The following ABLIM2 variants were observed in gnomAD, a reference collection of about 807,000 sequenced individuals.
ABLIM2 encodes actin binding LIM protein family member 2, also known as actin-binding LIM protein 2.
In ABLIM2, 53 loss-of-function variants were observed where a neutral mutation model predicts 97.7. The observed-to-expected ratio is 0.54, with a 90% CI of 0.44 to 0.68. The LOEUF (loss-of-function observed/expected upper bound fraction) is 0.68. Ranked by LOEUF, ABLIM2 falls within the 30% of genes least tolerant of loss-of-function variation. The probability of loss-of-function intolerance (pLI) is 0.00; values close to 1 mark genes in which losing one functional copy is unlikely to be tolerated. For missense variants in ABLIM2, 835 were observed against 867.2 expected (o/e 0.96, Z 0.47); for synonymous variants, 361 against 345.8 (o/e 1.04, Z -0.49).
rs563100031 is a variant in ABLIM2, at chr4:8,120,205, C to T, written c.11-13568G>A. On this transcript the variant is annotated intron_variant, in intron 1 of 20. Coordinates refer to ENST00000447017, the MANE Select transcript of ABLIM2 (RefSeq NM_001130083.2). This position sits in a 1 kb window ranked among gnomAD's most constrained non-coding sequence, Gnocchi z 5.6. The stretch of plus-strand genomic sequence containing the variant: ...AAGAGGACGTGGCAGGAAGCAAGAG[C>T]GGTGCCAGCGGGGAGCTCGAGCCAT... Among the ~76,000 whole-genome samples, 77 of 152,238 alleles carry T rather than the reference C, an allele frequency of 5.1e-4. 1 individual carries two copies. The South Asian group carries it at 0.015, about 30-fold the overall frequency.
chr4:8,034,426 G>A (rs1173325084), intron 10 of ABLIM2, among the ~76,000 whole-genome samples: 1 of 147,690 alleles, frequency 6.8e-6, no homozygotes, highest in Admixed American at 6.8e-5. Flanking sequence ...GTAGACAGGT[G>A]CAGGTGAGTG....
chr4:7,992,979 TG>T lies in ABLIM2; in HGVS notation c.1619-53del. 1 of 1,584,390 alleles carries T rather than the reference TG, an allele frequency of 6.3e-7. No individual in the cohort carries two copies. The highest frequency in any genetic ancestry group is 8.6e-7 in the Non-Finnish European group (1 of 1,158,736). ...CACGCGCGCAGACTCGGTGCAGCAA[TG>T]GGGGTGCAGCCCTGGGGGGGCTTCC... is the stretch of plus-strand genomic sequence containing the variant. On this transcript the variant is annotated intron_variant, in intron 16 of 20. Coordinates refer to ENST00000447017, the MANE Select transcript of ABLIM2 (RefSeq NM_001130083.2). This position sits in a 1 kb window ranked among gnomAD's most constrained non-coding sequence, Gnocchi z 5.7.
intron 7 of ABLIM2, among the ~76,000 whole-genome samples, chr4:8,059,339 A>G (rs1801391102): frequency 6.6e-6 from 1 of 151,956 alleles, no homozygotes; most frequent in African/African-American, 2.4e-5. Flanking sequence ...AAAAGCATTG[A>G]AAACCAAGCA....
At chr4:8,151,099 G>C (rs73077926) in intron 1 of ABLIM2, among the ~76,000 whole-genome samples, 5,155 of 152,190 alleles carry the variant, frequency 0.034, 297 homozygotes, top group African/African-American at 0.12. Flanking sequence ...TAAGGCAAAG[G>C]GCATTTAAAC....
chr4:8,155,587 C>G lies in ABLIM2; in HGVS notation c.10+3093G>C, dbSNP rs137990418. On this transcript the variant is annotated intron_variant, in intron 1 of 20. Coordinates refer to ENST00000447017, the MANE Select transcript of ABLIM2 (RefSeq NM_001130083.2). The surrounding 1 kb of genome is among the most constrained non-coding windows in gnomAD (Gnocchi z 4.2). ...GCACCCCTGTTATGGACTGAATTGT[C>G]TAAATTCATATGCTGAAGTCCTAAC... Among the ~76,000 whole-genome samples, 300 of 152,296 alleles carry G rather than the reference C, an allele frequency of 2.0e-3. No homozygotes were observed. The highest frequency in any genetic ancestry group is 7.0e-3 in the African/African-American group (289 of 41,564).
rs568320913 is a variant in ABLIM2, at chr4:8,134,469, C to T, written c.10+24211G>A. Among the ~76,000 whole-genome samples, 11 of 152,354 alleles carry T rather than the reference C, an allele frequency of 7.2e-5. No homozygotes were observed. In the South Asian group the frequency reaches 1.0e-3, roughly 14 times the overall value. ...TCCACACACAGCTCGGCCCAGCCCC[C>T]GTCGGCAAGAAGAACGCATGCTAAA... On this transcript the variant is annotated intron_variant, in intron 1 of 20. Coordinates refer to ENST00000447017, the MANE Select transcript of ABLIM2 (RefSeq NM_001130083.2).
intron 1 of ABLIM2, among the ~76,000 whole-genome samples, chr4:8,131,464 C>T (rs111772483): frequency 4.6e-5 from 7 of 152,152 alleles, no homozygotes; most frequent in Middle Eastern, 3.2e-3. Context: ...GGGTGGGGAC[C>T]GGGACGAGAA....
intron 1 of ABLIM2, 121 bp downstream of exon 1, chr4:8,158,558 TG>T: frequency 7.9e-7 from 1 of 1,259,966 alleles, no homozygotes; most frequent in Non-Finnish European, 1.1e-6. Context: ...GAGCAAAAGT[TG>T]GGTGGAGCCG....
rs1019388392 is a variant in ABLIM2 at position 8,058,107 on chromosome 4, C to T, written c.763+2860G>A. Among the ~76,000 whole-genome samples the T allele has an allele frequency of 3.3e-5, 5 of 152,372 alleles. No homozygotes were observed. Among genetic ancestry groups the T allele is most frequent in the Admixed American group, 2.0e-4 (3 of 15,314 alleles). ...CGCCTTTGTTCCTGAGATGAGGTTA[C>T]CCTTGATGTGAACTCGTGTCCCCGA... On this transcript the variant is annotated intron_variant, in intron 7 of 20. Coordinates refer to ENST00000447017, the MANE Select transcript of ABLIM2 (RefSeq NM_001130083.2). The surrounding 1 kb of genome is among the most constrained non-coding windows in gnomAD (Gnocchi z 4.2).
At chr4:8,101,899 G>C (rs1386504417) in intron 2 of ABLIM2, among the ~76,000 whole-genome samples, 1 of 152,188 alleles carries the variant, frequency 6.6e-6, no homozygotes, top group Non-Finnish European at 1.5e-5. Flanking sequence ...CATTTGTAGA[G>C]TAAGGACAGA....
intron 16 of ABLIM2, chr4:8,007,687 C>T (rs910842162): frequency 1.9e-6 from 2 of 1,032,480 alleles, no homozygotes; most frequent in South Asian, 4.1e-5. Flanking sequence ...CTGCACTCAT[C>T]AGCCGGACCA....
intron 12 of ABLIM2, among the ~76,000 whole-genome samples, chr4:8,026,053 G>C (rs1459193176): frequency 6.6e-6 from 1 of 152,190 alleles, no homozygotes; most frequent in South Asian, 2.1e-4. Flanking sequence ...TGTTGTCCAG[G>C]CTGGAGTGCA....
intron 20 of ABLIM2, among the ~76,000 whole-genome samples, chr4:7,969,730 G>GACACACACACACACAC (rs56236019): frequency 0.016 from 2,189 of 139,646 alleles, 69 homozygotes; most frequent in Middle Eastern, 0.028. Flanking sequence ...CTCTCTCTCT[G>GACACACACACACACAC]ACACACACAC....
chr4:8,152,030 G>A (rs1295283276), intron 1 of ABLIM2, among the ~76,000 whole-genome samples: 1 of 152,158 alleles, frequency 6.6e-6, no homozygotes. Flanking sequence ...CTGCCTCCTG[G>A]CTCTGTGCTG....
chr4:8,091,818 A>ATT (rs1300568021), intron 3 of ABLIM2, among the ~76,000 whole-genome samples: 3 of 63,906 alleles, frequency 4.7e-5, no homozygotes, highest in Non-Finnish European at 6.4e-5. Context: ...TATATTATAT[A>ATT]ATATATTATA....
At chr4:8,106,717 G>C (rs538976632) in intron 1 of ABLIM2, 80 bp from the exon 2 acceptor site, 12 of 1,490,358 alleles carry the variant, frequency 8.1e-6, no homozygotes, top group African/African-American at 1.4e-5. Flanking sequence ...GTGTGAGGAC[G>C]CACAGCTGAC....
At position 8,066,368 on chromosome 4, in the gene ABLIM2, A is replaced by G. The variant is rs189925585; in HGVS notation, c.676-5314T>C. Among the ~76,000 whole-genome samples the G allele has an allele frequency of 7.3e-3, 204 of 28,020 alleles. 4 individuals are homozygous for G. The highest frequency in any genetic ancestry group is 0.037 in the East Asian group (13 of 348). The allele number at this position is 28,020 out of a possible 152,430, so 18.4% of individuals were successfully genotyped here. A position where few individuals can be genotyped will look rare whatever the true frequency, so the allele number is the denominator to read the frequency against. On this transcript the variant is annotated intron_variant, in intron 6 of 20. Coordinates refer to ENST00000447017, the MANE Select transcript of ABLIM2 (RefSeq NM_001130083.2). ...AGAGAGGGAGGGAGGGAGGGAAGGA[A>G]GGAAGGAAGGAAGGAAGGAAGGAAG...
At position 8,045,236 on chromosome 4, in the gene ABLIM2, G is replaced by C; in HGVS notation, c.828C>G (p.Thr276=). 2.5e-6 allele frequency: 4 copies of C among 1,613,696 alleles called. No individual in the cohort carries two copies. Among genetic ancestry groups the C allele is most frequent in the Non-Finnish European group, 3.4e-6 (4 of 1,179,578 alleles). The change falls in exon 9 of 21, where the codon ACC becomes ACG. Residue 276 remains threonine (T), a synonymous_variant. Coordinates refer to ENST00000447017, the MANE Select transcript of ABLIM2 (RefSeq NM_001130083.2). ...AAATGATGCTCTCTGAGGAAGTTCT[G>C]GTTTCCTGAGAAAGGAGAGAGGAAG... ...AARTEDRNKE[T]RTSSESIISV... is the part of the protein sequence containing the mutation.
intron 1 of ABLIM2, among the ~76,000 whole-genome samples, chr4:8,151,486 G>T (rs1040671789): frequency 6.6e-6 from 1 of 152,154 alleles, no homozygotes; most frequent in Non-Finnish European, 1.5e-5. Context: ...AGGCGGCAAG[G>T]CACCTCCCTC....
Sources: gnomAD v4.1 joint callset for allele counts (sites outside exome capture counted in the v4.1 genomes callset) on GRCh38, gnomAD v4.1.1 for gene constraint, Gnocchi (gnomAD v3.1) non-coding constraint, MANE v1.5 for transcripts, NCBI Gene and HGNC (gene_info 2026-07-23, HGNC 2026-07-21) for gene names.